The following GPM6A variants were observed in gnomAD, a reference collection of about 807,000 sequenced individuals.
GPM6A encodes glycoprotein M6A, also known as neuronal membrane glycoprotein M6-a.
A neutral mutation model predicts 32.1 loss-of-function variants in GPM6A; 7 were observed. The ratio of observed to expected loss-of-function variants is 0.22; its 90% CI spans 0.12 to 0.41. GPM6A has a LOEUF of 0.41. Among genes scored for constraint, GPM6A ranks in the 10% least tolerant of loss-of-function variants. GPM6A has a pLI of 1.00. For synonymous variants in GPM6A, 130 were observed against 123.4 expected, an observed-to-expected ratio of 1.05 and a Z score of -0.35; for missense variants, 235 against 347.2, an observed-to-expected ratio of 0.68 and a Z score of 2.57.
chr4:175,637,659 A>C (rs1311521436), intron 6 of GPM6A, among the ~76,000 whole-genome samples: 1 of 478 alleles, frequency 2.1e-3, no homozygotes, highest in Non-Finnish European at 8.2e-3. Context: ...AAAATATAAA[A>C]TATATAATAT....
At chr4:175,847,862 T>C (rs1479165430) in intron 1 of GPM6A, among the ~76,000 whole-genome samples, 1 of 152,096 alleles carries the variant, frequency 6.6e-6, no homozygotes, top group Non-Finnish European at 1.5e-5. Context: ...GTAAAAGCCA[T>C]TAAATTTGTG....
intron 1 of GPM6A, among the ~76,000 whole-genome samples, chr4:175,863,621 G>A (rs1395872651): frequency 1.3e-5 from 2 of 152,094 alleles, no homozygotes. Flanking sequence ...ACTGGTTTAT[G>A]AAAGCACATG....
chr4:175,792,592 C>G (rs1428041712), intron 1 of GPM6A, among the ~76,000 whole-genome samples: 1 of 152,118 alleles, frequency 6.6e-6, no homozygotes, highest in Middle Eastern at 3.4e-3. Flanking sequence ...AATACATCCA[C>G]TGATAATTAT....
At chr4:175,946,529 A>G (rs533569854) in intron 1 of GPM6A, among the ~76,000 whole-genome samples, 1 of 152,306 alleles carries the variant, frequency 6.6e-6, no homozygotes, top group South Asian at 2.1e-4. Context: ...GGGTGATGTG[A>G]TGAAGATGAA....
At chr4:175,854,665 G>A (rs1736362390) in intron 1 of GPM6A, among the ~76,000 whole-genome samples, 1 of 152,190 alleles carries the variant, frequency 6.6e-6, no homozygotes, top group Non-Finnish European at 1.5e-5. Context: ...AACCCAGGCA[G>A]AGTGCTGAAC....
chr4:175,796,461 G>C lies in GPM6A; in HGVS notation c.37+15730C>G, dbSNP rs1185761696. Among the ~76,000 whole-genome samples the C allele has an allele frequency of 5.3e-5, 8 of 152,200 alleles. No homozygotes were observed. The East Asian group carries it at 1.4e-3, about 26-fold the overall frequency. On this transcript the variant is annotated intron_variant, in intron 1 of 6. Coordinates refer to ENST00000393658, the MANE Select transcript of GPM6A (RefSeq NM_201591.3). ...ACTTTTCTTCCTACTTGATGGATGAGAAAATTAAGTCTCTTGATCAGAAGT... is the reference window on the plus strand; with the variant it reads ...ACTTTTCTTCCTACTTGATGGATGACAAAATTAAGTCTCTTGATCAGAAGT...
At chr4:175,799,149 T>G (rs1734359134) in intron 1 of GPM6A, among the ~76,000 whole-genome samples, 1 of 152,188 alleles carries the variant, frequency 6.6e-6, no homozygotes, top group South Asian at 2.1e-4. Context: ...TCCAATCTTG[T>G]TTTCCTGCCC....
intron 1 of GPM6A, among the ~76,000 whole-genome samples, chr4:175,727,893 G>A (rs181369358): frequency 6.6e-6 from 1 of 151,656 alleles, no homozygotes; most frequent in African/African-American, 2.4e-5. Flanking sequence ...AGTCCCAGAT[G>A]CTTGGGAGGC....
At chr4:175,911,687 A>G (rs1204327013) in intron 1 of GPM6A, among the ~76,000 whole-genome samples, 1 of 152,202 alleles carries the variant, frequency 6.6e-6, no homozygotes, top group Non-Finnish European at 1.5e-5. Flanking sequence ...TTCTGACAGC[A>G]GGGAAATTAA....
intron 1 of GPM6A, 69 bp from the exon 2 acceptor site, chr4:175,701,836 C>A: frequency 1.8e-6 from 2 of 1,109,034 alleles, no homozygotes; most frequent in Non-Finnish European, 2.7e-6. Context: ...TTTCAAACTT[C>A]AGCACTATGG....
intron 2 of GPM6A, among the ~76,000 whole-genome samples, chr4:175,698,934 A>T (rs1258563122): frequency 6.6e-6 from 1 of 152,170 alleles, no homozygotes; most frequent in Non-Finnish European, 1.5e-5. Flanking sequence ...AATATATGAA[A>T]GTTTGTTGTT....
rs1360639895 is a variant in GPM6A at position 175,799,691 on chromosome 4, G to A, written c.37+12500C>T. ...GTTTTCTTTTTTTTTTTTTTGAGAC[G>A]GAGTCTCGCTCTGTCGCCCAGGCCG... On this transcript the variant is annotated intron_variant, in intron 1 of 6. Coordinates refer to ENST00000393658, the MANE Select transcript of GPM6A (RefSeq NM_201591.3). Among the ~76,000 whole-genome samples the A allele has an allele frequency of 3.0e-4, 14 of 47,398 alleles. 2 individuals are homozygous for A. The highest frequency in any genetic ancestry group is 8.2e-4 in the Admixed American group (4 of 4,882). 31.1% of individuals were successfully genotyped at this position (47,398 alleles called of 152,430 possible).
At chr4:175,852,612 C>T (rs900546023) in intron 1 of GPM6A, among the ~76,000 whole-genome samples, 4 of 152,140 alleles carry the variant, frequency 2.6e-5, no homozygotes, top group Non-Finnish European at 5.9e-5. Flanking sequence ...AGTATTTACA[C>T]TCCCAAATTT....
intron 1 of GPM6A, among the ~76,000 whole-genome samples, chr4:175,905,997 C>T (rs891327271): frequency 6.6e-6 from 1 of 152,120 alleles, no homozygotes; most frequent in Non-Finnish European, 1.5e-5. Flanking sequence ...AACAGAATAA[C>T]ATTGCAGCAG....
chr4:175,779,231 C>A (rs935541082), intron 1 of GPM6A, among the ~76,000 whole-genome samples: 2 of 152,132 alleles, frequency 1.3e-5, no homozygotes, highest in African/African-American at 4.8e-5. Flanking sequence ...CTGCTTGATG[C>A]AATCGTTACC....
At chr4:175,818,099 G>A (rs1735166328) in intron 1 of GPM6A, among the ~76,000 whole-genome samples, 1 of 152,146 alleles carries the variant, frequency 6.6e-6, no homozygotes, top group Non-Finnish European at 1.5e-5. Context: ...TCATAGGCCT[G>A]TTTACAACTG....
intron 1 of GPM6A, among the ~76,000 whole-genome samples, chr4:175,983,990 GTCTCTC>G (rs149265312): frequency 2.7e-5 from 4 of 146,144 alleles, no homozygotes; most frequent in South Asian, 2.2e-4. Flanking sequence ...TGCTCTCTCT[GTCTCTC>G]TCTCTCTCTC....
chr4:175,818,281 T>C (rs1359829460), intron 1 of GPM6A, among the ~76,000 whole-genome samples: 1 of 152,210 alleles, frequency 6.6e-6, no homozygotes, highest in Non-Finnish European at 1.5e-5. Flanking sequence ...TAAAACACTT[T>C]TCCTTCCACC....
chr4:175,747,269 CAAAAAAAAAAAAA>C (rs5864346), intron 1 of GPM6A, among the ~76,000 whole-genome samples: 12 of 109,520 alleles, frequency 1.1e-4, no homozygotes, highest in African/African-American at 4.4e-4. Context: ...ACTCCATCTC[CAAAAAAAAAAAAA>C]AAAAAAAAAG....
Sources: gnomAD v4.1 joint callset for allele counts (sites outside exome capture counted in the v4.1 genomes callset) on GRCh38, gnomAD v4.1.1 for gene constraint, MANE v1.5 for transcripts, NCBI Gene and HGNC (gene_info 2026-07-23, HGNC 2026-07-21) for gene names.